The following ZBTB20 variants were observed in gnomAD, a reference collection of about 807,000 sequenced individuals.
The protein encoded by ZBTB20 is zinc finger and BTB domain-containing protein 20.
ZBTB20 carries 9 observed loss-of-function variants against 56.9 expected under a neutral mutation model. The ratio of observed to expected loss-of-function variants is 0.16; its 90% CI spans 0.10 to 0.28. The LOEUF is 0.28. Ranked by LOEUF, ZBTB20 falls within the 10% of genes least tolerant of loss-of-function variation. The pLI, the probability that ZBTB20 is intolerant of heterozygous loss-of-function variation, is 1.00. For missense variants in ZBTB20, 655 were observed against 1,003.0 expected (o/e 0.65, Z 4.69); for synonymous variants, 417 against 420.7 (o/e 0.99, Z 0.11).
chr3:114,396,607 C>A (rs2086358922), intron 7 of ZBTB20, among the ~76,000 whole-genome samples: 2 of 152,112 alleles, frequency 1.3e-5, no homozygotes, highest in African/African-American at 4.8e-5. Flanking sequence ...AGTTAAGGGC[C>A]AGGTTCTAAC....
chr3:114,322,668 C>A lies in ZBTB20; in HGVS notation c.*16337G>T, dbSNP rs1233589962. ...CTTAGTGATTACCCAATACTTATTTCTAAGTACCTGTTAAAAGCTCTGGAT... is the reference window on the plus strand; with the variant it reads ...CTTAGTGATTACCCAATACTTATTTATAAGTACCTGTTAAAAGCTCTGGAT... On this transcript the variant is annotated 3_prime_UTR_variant, in exon 12 of 12. Transcript: ENST00000675478. 2 of 152,166 alleles carry A rather than the reference C, an allele frequency of 1.3e-5. No individual in the cohort carries two copies. Among genetic ancestry groups the A allele is most frequent in the African/African-American group, 2.4e-5 (1 of 41,448 alleles). The allele number at this position is 152,166 out of a possible 1,614,324, so 9.4% of individuals were successfully genotyped here. A position where few individuals can be genotyped will look rare whatever the true frequency, so the allele number is the denominator to read the frequency against.
intron 5 of ZBTB20, among the ~76,000 whole-genome samples, chr3:114,716,922 A>G (rs1395691427): frequency 6.6e-6 from 1 of 152,106 alleles, no homozygotes; most frequent in African/African-American, 2.4e-5. Context: ...GAAATGAAAA[A>G]AAGTGGGGGG....
intron 7 of ZBTB20, among the ~76,000 whole-genome samples, chr3:114,494,710 A>C (rs1411514534): frequency 1.3e-5 from 2 of 152,130 alleles, no homozygotes; most frequent in Non-Finnish European, 2.9e-5. Context: ...GCAGATCCAC[A>C]TTTTCCTGTA....
At chr3:114,997,756 A>G (rs1366131195) in intron 2 of ZBTB20, among the ~76,000 whole-genome samples, 2 of 151,776 alleles carry the variant, frequency 1.3e-5, no homozygotes, top group African/African-American at 4.8e-5. Context: ...ATTTCTTTTT[A>G]CAAAACTTCA....
intron 1 of ZBTB20, among the ~76,000 whole-genome samples, chr3:115,144,234 T>A (rs903761598): frequency 1.3e-5 from 2 of 152,178 alleles, no homozygotes; most frequent in African/African-American, 4.8e-5. Context: ...AAATTATAGA[T>A]CGCAGGAACT....
At chr3:114,454,184 G>GAC (rs2091847433) in intron 7 of ZBTB20, among the ~76,000 whole-genome samples, 1 of 144,356 alleles carries the variant, frequency 6.9e-6, no homozygotes, top group African/African-American at 2.5e-5. Flanking sequence ...GGGAGAGAGA[G>GAC]AGAGAGAGAG....
intron 6 of ZBTB20, among the ~76,000 whole-genome samples, chr3:114,653,605 G>A (rs1578174218): frequency 6.6e-6 from 1 of 152,026 alleles, no homozygotes; most frequent in East Asian, 1.9e-4. Flanking sequence ...TATCTGTCAG[G>A]TTTTGCTGTT....
rs1399825684 is a variant in ZBTB20 at position 114,329,140 on chromosome 3, T to C, written c.*9865A>G. ...ACAACTGAAGAGCATTGCAGGGAGC[T>C]TGGCTAAGGTGAAAAGGGACTTGCT... On this transcript the variant is annotated 3_prime_UTR_variant, in exon 12 of 12. Transcript: ENST00000675478. The C allele has an allele frequency of 6.6e-6, 1 of 152,098 alleles. No individual in the cohort carries two copies. The highest frequency in any genetic ancestry group is 2.4e-5 in the African/African-American group (1 of 41,394). 9.4% of individuals were successfully genotyped at this position (152,098 alleles called of 1,614,324 possible).
intron 5 of ZBTB20, among the ~76,000 whole-genome samples, chr3:114,737,312 T>A (rs533866733): frequency 1.3e-5 from 2 of 152,298 alleles, no homozygotes; most frequent in East Asian, 3.9e-4. Flanking sequence ...TTTGCCTTTT[T>A]TTTCTAGATA....
Position 114,380,943 on chromosome 3 carries a change from G to T in ZBTB20, c.-153-3C>A. 1 of 490,796 alleles carries T rather than the reference G, an allele frequency of 2.0e-6. No homozygotes were observed. Among genetic ancestry groups the T allele is most frequent in the South Asian group, 6.2e-5 (1 of 16,226 alleles). The allele number at this position is 490,796 out of a possible 1,614,324, so 30.4% of individuals were successfully genotyped here. A position where few individuals can be genotyped will look rare whatever the true frequency, so the allele number is the denominator to read the frequency against. ...TCTCTGGGCTTCAGTTTCCTCATCT[G>T]TAAAATAAAGGGCTTGGATTAGAAG... On this transcript the variant is annotated splice_polypyrimidine_tract_variant and splice_region_variant and intron_variant, in intron 8 of 11. Coordinates refer to ENST00000675478, the MANE Select transcript of ZBTB20 (RefSeq NM_001348800.3).
chr3:115,042,605 G>A (rs2081184458), intron 2 of ZBTB20, among the ~76,000 whole-genome samples: 1 of 152,082 alleles, frequency 6.6e-6, no homozygotes. Flanking sequence ...TTCACCAACT[G>A]AATAGTTTTC....
intron 6 of ZBTB20, among the ~76,000 whole-genome samples, chr3:114,606,046 G>A (rs1442050213): frequency 6.6e-6 from 1 of 152,166 alleles, no homozygotes; most frequent in African/African-American, 2.4e-5. Flanking sequence ...TGAGAACAAC[G>A]TTCCCAGCAG....
At chr3:114,611,278 A>G (rs1052834097) in intron 6 of ZBTB20, among the ~76,000 whole-genome samples, 2 of 152,146 alleles carry the variant, frequency 1.3e-5, no homozygotes, top group African/African-American at 4.8e-5. Flanking sequence ...TACAGTTAAG[A>G]ACCTAGAATG....
At chr3:114,375,529 G>A (rs2083511199) in intron 10 of ZBTB20, among the ~76,000 whole-genome samples, 1 of 152,138 alleles carries the variant, frequency 6.6e-6, no homozygotes, top group South Asian at 2.1e-4. Context: ...TAAGCCTTAA[G>A]CCTATAAGTT....
intron 7 of ZBTB20, among the ~76,000 whole-genome samples, chr3:114,411,561 T>C (rs1174598330): frequency 6.6e-6 from 1 of 152,174 alleles, no homozygotes; most frequent in Non-Finnish European, 1.5e-5. Flanking sequence ...TTCTCTTTCA[T>C]ATTTAATTTA....
intron 3 of ZBTB20, among the ~76,000 whole-genome samples, chr3:114,951,607 G>A (rs2077069464): frequency 6.6e-6 from 1 of 152,120 alleles, no homozygotes; most frequent in Non-Finnish European, 1.5e-5. Context: ...TGAAACCACA[G>A]AAGGAATCTT....
intron 4 of ZBTB20, among the ~76,000 whole-genome samples, chr3:114,837,259 G>A (rs2074167670): frequency 6.6e-6 from 1 of 152,168 alleles, no homozygotes; most frequent in Non-Finnish European, 1.5e-5. Context: ...CATCCTGTAT[G>A]TATGTGAGTA....
chr3:114,582,711 A>G (rs1328188892), intron 6 of ZBTB20, among the ~76,000 whole-genome samples: 1 of 152,204 alleles, frequency 6.6e-6, no homozygotes, highest in Non-Finnish European at 1.5e-5. Flanking sequence ...TAGAAAATGT[A>G]TAAGGCAAAC....
intron 6 of ZBTB20, among the ~76,000 whole-genome samples, chr3:114,589,199 G>A (rs1441836012): frequency 2.0e-5 from 3 of 152,122 alleles, no homozygotes; most frequent in Non-Finnish European, 2.9e-5. Context: ...CCCCCAGTGC[G>A]TCTAGTTCTT....
Sources: allele counts gnomAD v4.1 joint callset (sites outside exome capture counted in the v4.1 genomes callset), GRCh38; gene constraint gnomAD v4.1.1; transcripts MANE v1.5; gene names NCBI Gene and HGNC (gene_info 2026-07-23, HGNC 2026-07-21).